Variants in KCND3 observed in about 807,000 individuals in gnomAD.
The protein encoded by KCND3 is A-type voltage-gated potassium channel KCND3.
Under a neutral mutation model 51.1 loss-of-function variants are expected in KCND3, and 9 were observed. That is an observed-to-expected ratio of 0.18 (90% CI 0.11 to 0.31). The LOEUF (loss-of-function observed/expected upper bound fraction) is 0.31, where lower values mean the gene tolerates loss of function less well. Among genes scored for constraint, KCND3 ranks in the 10% least tolerant of loss-of-function variants. The probability of loss-of-function intolerance (pLI) is 1.00; values close to 1 mark genes in which losing one functional copy is unlikely to be tolerated. For missense variants in KCND3, 526 were observed against 903.8 expected, an observed-to-expected ratio of 0.58 and a Z score of 5.36; for synonymous variants, 349 against 368.0, an observed-to-expected ratio of 0.95 and a Z score of 0.59.
chr1:111,799,757 CATGG>C (rs1665212301), intron 2 of KCND3, among the ~76,000 whole-genome samples: 2 of 152,232 alleles, frequency 1.3e-5, no homozygotes, highest in Admixed American at 1.3e-4. Context: ...AACACACTGA[CATGG>C]ATGAATACAG....
At chr1:111,913,753 G>T (rs1225188408) in intron 2 of KCND3, among the ~76,000 whole-genome samples, 2 of 152,062 alleles carry the variant, frequency 1.3e-5, no homozygotes, top group African/African-American at 4.8e-5. Context: ...AAAATAAGCT[G>T]GGTGTAGTGG....
At chr1:111,782,603 T>C (rs1664432978) in intron 3 of KCND3, among the ~76,000 whole-genome samples, 1 of 152,212 alleles carries the variant, frequency 6.6e-6, no homozygotes, top group Admixed American at 6.5e-5. Flanking sequence ...AGGTGAGTGC[T>C]GGGTGTTGAG....
chr1:111,961,409 G>A (rs895098817), intron 2 of KCND3, among the ~76,000 whole-genome samples: 6 of 152,210 alleles, frequency 3.9e-5, no homozygotes, highest in African/African-American at 1.4e-4. Flanking sequence ...AGGGAAGGGT[G>A]GAGGCTGGTG....
At chr1:111,840,924 G>A (rs918292938) in intron 2 of KCND3, among the ~76,000 whole-genome samples, 124 of 152,280 alleles carry the variant, frequency 8.1e-4, no homozygotes, top group Middle Eastern at 3.4e-3. Flanking sequence ...TAGGCAGAGG[G>A]GACACCACAG....
chr1:111,960,986 C>T (rs990522982), intron 2 of KCND3, among the ~76,000 whole-genome samples: 2 of 152,162 alleles, frequency 1.3e-5, no homozygotes, highest in African/African-American at 4.8e-5. Flanking sequence ...ATGTCCCTGC[C>T]AGAGCCATGA....
chr1:111,872,286 G>C (rs1351523296), intron 2 of KCND3, among the ~76,000 whole-genome samples: 1 of 152,168 alleles, frequency 6.6e-6, no homozygotes, highest in Non-Finnish European at 1.5e-5. Flanking sequence ...AGAAGCAGAA[G>C]CACCACAGAA....
chr1:111,773,421 TTTTC>T lies in KCND3; in HGVS notation c.*2652_*2655del, dbSNP rs1663995754. 4.2e-5 allele frequency: 2 copies of T among 47,576 alleles called. No homozygotes were observed. Among genetic ancestry groups the T allele is most frequent in the South Asian group, 9.7e-4 (1 of 1,026 alleles). 2.9% of individuals were successfully genotyped at this position (47,576 alleles called of 1,614,324 possible). ...CTAATTTACCTCCTTTTTTTTTTTC[TTTTC>T]TTTTTTTTTTTTTTGAGACGGAGTC... On this transcript the variant is annotated 3_prime_UTR_variant, in exon 8 of 8. Transcript: ENST00000302127.
chr1:111,809,081 G>A (rs759429068), intron 2 of KCND3, among the ~76,000 whole-genome samples: 32 of 152,238 alleles, frequency 2.1e-4, no homozygotes, highest in Admixed American at 5.9e-4. Flanking sequence ...GGGAGAGAAA[G>A]AAGAGAGAAG....
intron 2 of KCND3, among the ~76,000 whole-genome samples, chr1:111,825,276 A>G (rs1666523452): frequency 6.6e-6 from 1 of 152,092 alleles, no homozygotes; most frequent in South Asian, 2.1e-4. Context: ...TTTTTGACCC[A>G]TATGTCCGAG....
chr1:111,865,489 C>T (rs1031876411), intron 2 of KCND3, among the ~76,000 whole-genome samples: 1 of 152,132 alleles, frequency 6.6e-6, no homozygotes, highest in Non-Finnish European at 1.5e-5. Context: ...CATGTCCCAC[C>T]AGAATATGGC....
intron 2 of KCND3, among the ~76,000 whole-genome samples, chr1:111,875,394 TC>T (rs1669005934): frequency 6.6e-6 from 1 of 152,160 alleles, no homozygotes; most frequent in African/African-American, 2.4e-5. Context: ...CAGTGAGCTG[TC>T]CCCAAGACCC....
intron 2 of KCND3, among the ~76,000 whole-genome samples, chr1:111,949,529 G>A (rs1173050131): frequency 2.6e-5 from 4 of 152,116 alleles, no homozygotes; most frequent in East Asian, 1.9e-4. Context: ...AAGGTGAGGG[G>A]GTAGAGAGGG....
intron 2 of KCND3, among the ~76,000 whole-genome samples, chr1:111,893,849 A>G (rs1474685151): frequency 1.3e-5 from 2 of 152,170 alleles, no homozygotes; most frequent in African/African-American, 4.8e-5. Flanking sequence ...TTGGGGAGAT[A>G]AGAACCAAGA....
intron 2 of KCND3, among the ~76,000 whole-genome samples, chr1:111,972,211 T>C (rs564949190): frequency 7.5e-4 from 107 of 141,866 alleles, no homozygotes; most frequent in Middle Eastern, 3.8e-3. Context: ...CTCGCTCTGT[T>C]GCCCAGGCTG....
At chr1:111,953,090 C>T (rs1432592966) in intron 2 of KCND3, among the ~76,000 whole-genome samples, 1 of 151,944 alleles carries the variant, frequency 6.6e-6, no homozygotes, top group African/African-American at 2.4e-5. Context: ...GAGAACCGAC[C>T]TACTAAATGT....
chr1:111,814,776 G>A (rs1666008874), intron 2 of KCND3, among the ~76,000 whole-genome samples: 1 of 152,188 alleles, frequency 6.6e-6, no homozygotes, highest in South Asian at 2.1e-4. Flanking sequence ...GGGGACACAG[G>A]CCCAGCAGCC....
chr1:111,864,154 C>A (rs949653370), intron 2 of KCND3, among the ~76,000 whole-genome samples: 2 of 151,672 alleles, frequency 1.3e-5, no homozygotes, highest in South Asian at 2.1e-4. Context: ...GAGGGGTGGG[C>A]GTGTGGAAGG....
At chr1:111,859,828 C>T (rs755637245) in intron 2 of KCND3, among the ~76,000 whole-genome samples, 6 of 152,318 alleles carry the variant, frequency 3.9e-5, no homozygotes, top group Non-Finnish European at 7.4e-5. Context: ...TGCATAAAGT[C>T]ATTTATTCCT....
intron 2 of KCND3, among the ~76,000 whole-genome samples, chr1:111,827,339 A>C (rs1330988272): frequency 6.6e-6 from 1 of 152,250 alleles, no homozygotes; most frequent in Non-Finnish European, 1.5e-5. Flanking sequence ...GGTGGAGCCC[A>C]AGTAAGCACA....
Sources: gnomAD v4.1 joint callset for allele counts (sites outside exome capture counted in the v4.1 genomes callset) on GRCh38, gnomAD v4.1.1 for gene constraint, MANE v1.5 for transcripts, NCBI Gene and HGNC (gene_info 2026-07-23, HGNC 2026-07-21) for gene names.